CLSTN1: variants seen among roughly 807,000 people sequenced by gnomAD.
CLSTN1 encodes calsyntenin 1.
Under a neutral mutation model 108.3 loss-of-function variants are expected in CLSTN1, and 28 were observed. The ratio of observed to expected loss-of-function variants is 0.26; its 90% CI spans 0.19 to 0.35. The LOEUF is 0.35. Among genes scored for constraint, CLSTN1 ranks in the 10% least tolerant of loss-of-function variants. The pLI is 1.00. For missense variants in CLSTN1, 1,157 were observed against 1,302.6 expected, an observed-to-expected ratio of 0.89 and a Z score of 1.72; for synonymous variants, 524 against 534.9, an observed-to-expected ratio of 0.98 and a Z score of 0.28.
chr1:9,790,681 G>A (rs932293689), intron 1 of CLSTN1, among the ~76,000 whole-genome samples: 7 of 151,162 alleles, frequency 4.6e-5, no homozygotes, highest in Admixed American at 3.4e-4. Context: ...CGCATATTTC[G>A]GAGCACAGGT....
At chr1:9,795,019 C>CAAA (rs1653926979) in intron 1 of CLSTN1, among the ~76,000 whole-genome samples, 1 of 131,928 alleles carries the variant, frequency 7.6e-6, no homozygotes. Context: ...GAAGGCTAAT[C>CAAA]AGAAAAAAAA....
intron 1 of CLSTN1, among the ~76,000 whole-genome samples, chr1:9,808,241 G>C (rs1654587393): frequency 6.6e-6 from 1 of 152,208 alleles, no homozygotes; most frequent in African/African-American, 2.4e-5. Context: ...TTCACGTTTG[G>C]TTGAAAAAAT....
intron 1 of CLSTN1, among the ~76,000 whole-genome samples, chr1:9,810,500 G>C (rs1020097803): frequency 6.7e-6 from 1 of 149,096 alleles, no homozygotes; most frequent in Non-Finnish European, 1.5e-5. Context: ...AAAGACTGGG[G>C]ACACTAGCTC....
At chr1:9,755,330 A>G (rs1249160046) in intron 3 of CLSTN1, 21 bp from the exon 4 acceptor site, 1 of 1,586,622 alleles carries the variant, frequency 6.3e-7, no homozygotes, top group Non-Finnish European at 8.6e-7. Context: ...AAAGCAGAAC[A>G]GGTAAGAATT....
intron 1 of CLSTN1, among the ~76,000 whole-genome samples, chr1:9,821,323 G>C (rs1474674997): frequency 1.3e-5 from 2 of 152,158 alleles, no homozygotes; most frequent in Admixed American, 1.3e-4. Context: ...AGCAGAGATG[G>C]GGTTTCACCA....
At chr1:9,795,195 C>A (rs1421657179) in intron 1 of CLSTN1, among the ~76,000 whole-genome samples, 4 of 142,768 alleles carry the variant, frequency 2.8e-5, no homozygotes, top group Non-Finnish European at 1.5e-5. Context: ...GGTGGAGTTT[C>A]GTTCTTGTCG....
chr1:9,814,581 T>C (rs975210217), intron 1 of CLSTN1, among the ~76,000 whole-genome samples: 1 of 152,220 alleles, frequency 6.6e-6, no homozygotes, highest in Non-Finnish European at 1.5e-5. Context: ...ACAAAGCACA[T>C]TTTTAGCCAA....
At chr1:9,762,338 G>A (rs2101130728) in intron 2 of CLSTN1, among the ~76,000 whole-genome samples, 2 of 152,166 alleles carry the variant, frequency 1.3e-5, no homozygotes, top group South Asian at 2.1e-4. Flanking sequence ...GCAGGCACCT[G>A]TAATTCCAGC....
rs143260942 is a variant in CLSTN1 at position 9,813,362 on chromosome 1, G to A, written c.91+10281C>T. ...AAAGTACAAAAAATTAACCAGGCTT[G>A]CTGGTGCATGTCTGTAATCCCAGCT... is the stretch of plus-strand genomic sequence containing the variant. On this transcript the variant is annotated intron_variant, in intron 1 of 18. Coordinates refer to ENST00000377298, the MANE Select transcript of CLSTN1 (RefSeq NM_001009566.3). Among the ~76,000 whole-genome samples, 544 of 151,888 alleles carry A rather than the reference G, an allele frequency of 3.6e-3. 5 individuals carry two copies. The highest frequency in any genetic ancestry group is 5.9e-3 in the Non-Finnish European group (399 of 67,930).
At chr1:9,767,895 C>T (rs921845382) in intron 2 of CLSTN1, among the ~76,000 whole-genome samples, 1 of 152,108 alleles carries the variant, frequency 6.6e-6, no homozygotes, top group African/African-American at 2.4e-5. Context: ...ATAACAGCAG[C>T]GGCAAATACT....
At chr1:9,813,732 C>G (rs1338575423) in intron 1 of CLSTN1, among the ~76,000 whole-genome samples, 1 of 152,132 alleles carries the variant, frequency 6.6e-6, no homozygotes, top group African/African-American at 2.4e-5. Context: ...ACAAATCATT[C>G]TGAAGTTTCA....
At chr1:9,782,392 G>A (rs1458657800) in intron 1 of CLSTN1, among the ~76,000 whole-genome samples, 1 of 152,042 alleles carries the variant, frequency 6.6e-6, no homozygotes, top group Non-Finnish European at 1.5e-5. Context: ...TTGAGTCCTT[G>A]ACTAATAAAT....
chr1:9,742,845 T>C (rs1011530649), intron 9 of CLSTN1, among the ~76,000 whole-genome samples: 1 of 150,488 alleles, frequency 6.6e-6, no homozygotes, highest in Non-Finnish European at 1.5e-5. Context: ...GAGGTGGAGG[T>C]TGCAGTGAGC....
Position 9,735,128 on chromosome 1 carries a change from AGCCATCTACC to A in CLSTN1, c.1920_1929del (p.Val641ThrfsTer2). Reference sequence around the variant, plus strand: ...TCCTCGGGCTGTAAAACCATCACGTAGCCATCTACCGGGGGGACCGAAATGCAGGTGGCCT... The same window carrying A: ...TCCTCGGGCTGTAAAACCATCACGTAGGGGGGACCGAAATGCAGGTGGCCT... On this transcript the variant is annotated frameshift_variant, in exon 14 of 19. Transcript: ENST00000377298. LOFTEE classifies it high-confidence loss of function. The A allele has an allele frequency of 1.2e-6, 2 of 1,614,218 alleles. No individual in the cohort carries two copies. The highest frequency in any genetic ancestry group is 1.7e-6 in the Non-Finnish European group (2 of 1,180,040).
At chr1:9,813,949 A>G (rs540669343) in intron 1 of CLSTN1, among the ~76,000 whole-genome samples, 6 of 151,954 alleles carry the variant, frequency 3.9e-5, no homozygotes, top group Admixed American at 2.0e-4. Flanking sequence ...AATACAAAAA[A>G]AAATTAGCCG....
intron 1 of CLSTN1, among the ~76,000 whole-genome samples, chr1:9,802,335 T>G (rs577627501): frequency 8.4e-4 from 128 of 152,316 alleles, no homozygotes; most frequent in African/African-American, 3.0e-3. Context: ...CAGGCCACAC[T>G]GTGAAGAGGA....
In CLSTN1 at chr1:9,748,648, C is replaced by T. The variant is rs189482686; in HGVS notation, c.985+813G>A. On this transcript the variant is annotated intron_variant, in intron 7 of 18. Transcript: ENST00000377298. ...GACTACAGGCGTGCACCGCCATGCC[C>T]GGCTAGTTTTTGTTTTTTTTGTAGA... Among the ~76,000 whole-genome samples the T allele has an allele frequency of 3.9e-5, 6 of 152,170 alleles. No individual in the cohort carries two copies. In the East Asian group the frequency reaches 7.8e-4, roughly 20 times the overall value.
At chr1:9,782,993 C>T (rs1034123739) in intron 1 of CLSTN1, among the ~76,000 whole-genome samples, 10 of 151,762 alleles carry the variant, frequency 6.6e-5, no homozygotes, top group South Asian at 2.1e-4. Flanking sequence ...GGTGACAGAG[C>T]GAGACTCCAT....
intron 11 of CLSTN1, 63 bp downstream of exon 11, chr1:9,737,435 G>T: frequency 6.8e-7 from 1 of 1,468,360 alleles, no homozygotes; most frequent in Non-Finnish European, 9.5e-7. Flanking sequence ...GCGACACGTG[G>T]AATGAATCAG....
Sources: allele counts gnomAD v4.1 joint callset (sites outside exome capture counted in the v4.1 genomes callset), GRCh38; gene constraint gnomAD v4.1.1; transcripts MANE v1.5; gene names NCBI Gene and HGNC (gene_info 2026-07-23, HGNC 2026-07-21).